The following GSK3B variants were observed in gnomAD, a reference collection of about 807,000 sequenced individuals.
GSK3B encodes glycogen synthase kinase 3 beta, also known as glycogen synthase kinase-3 beta.
In GSK3B, 15 loss-of-function variants were observed where a neutral mutation model predicts 56.4. That is an observed-to-expected ratio of 0.27 (90% CI 0.18 to 0.41). The LOEUF is 0.41. Ranked by LOEUF, GSK3B falls within the 10% of genes least tolerant of loss-of-function variation. The pLI is 1.00. For missense variants in GSK3B, 300 were observed against 513.4 expected, an observed-to-expected ratio of 0.58 and a Z score of 4.02; for synonymous variants, 181 against 188.9, an observed-to-expected ratio of 0.96 and a Z score of 0.34.
At chr3:119,863,384 TAG>T (rs1460515277) in intron 9 of GSK3B, 33 bp downstream of exon 9, 1 of 1,547,302 alleles carries the variant, frequency 6.5e-7, no homozygotes, top group Non-Finnish European at 8.9e-7. Flanking sequence ...GTAGCTTTCC[TAG>T]AACTGGTGAA....
At chr3:119,985,638 GACCTCTTCA>G (rs2057508712) in intron 2 of GSK3B, among the ~76,000 whole-genome samples, 1 of 152,112 alleles carries the variant, frequency 6.6e-6, no homozygotes, top group Admixed American at 6.5e-5. Flanking sequence ...GAATGTGAAG[GACCTCTTCA>G]AGAATAACTA....
At chr3:119,935,383 C>G (rs916064886) in intron 3 of GSK3B, among the ~76,000 whole-genome samples, 1 of 151,962 alleles carries the variant, frequency 6.6e-6, no homozygotes, top group Non-Finnish European at 1.5e-5. Flanking sequence ...ATCAAGGTAC[C>G]ATTTCTGTAA....
At chr3:120,056,276 T>C (rs2058190425) in intron 1 of GSK3B, among the ~76,000 whole-genome samples, 1 of 152,370 alleles carries the variant, frequency 6.6e-6, no homozygotes, top group South Asian at 2.1e-4. Flanking sequence ...GATCTACAGA[T>C]GTCTTTGAGG....
chr3:120,077,257 T>C (rs1172959932), intron 1 of GSK3B, among the ~76,000 whole-genome samples: 3 of 152,200 alleles, frequency 2.0e-5, no homozygotes, highest in Non-Finnish European at 4.4e-5. Flanking sequence ...AGCCAACATA[T>C]GGAAACAACC....
intron 1 of GSK3B, among the ~76,000 whole-genome samples, chr3:120,084,074 T>C (rs999020706): frequency 2.6e-5 from 4 of 152,192 alleles, no homozygotes; most frequent in East Asian, 1.9e-4. Context: ...CACAAGTCTA[T>C]GAACACCTGA....
At chr3:119,905,652 C>T in intron 7 of GSK3B, 103 bp downstream of exon 7, 1 of 714,422 alleles carries the variant, frequency 1.4e-6, no homozygotes, top group Non-Finnish European at 2.5e-6. Flanking sequence ...TGGATTGCTT[C>T]CTCCATTTTT....
chr3:119,989,848 A>T (rs2057548098), intron 2 of GSK3B, among the ~76,000 whole-genome samples: 1 of 152,038 alleles, frequency 6.6e-6, no homozygotes, highest in Non-Finnish European at 1.5e-5. Flanking sequence ...TTTCACAGAC[A>T]ACTACCCAAA....
intron 1 of GSK3B, among the ~76,000 whole-genome samples, chr3:120,069,792 C>T (rs1039820060): frequency 3.9e-5 from 6 of 152,206 alleles, no homozygotes; most frequent in African/African-American, 7.2e-5. Flanking sequence ...TTCCTGATTA[C>T]GAATACTCAC....
intron 3 of GSK3B, among the ~76,000 whole-genome samples, chr3:119,943,979 G>GA (rs1297529344): frequency 2.6e-5 from 4 of 151,632 alleles, no homozygotes; most frequent in Non-Finnish European, 5.9e-5. Context: ...AGACAAAGGC[G>GA]AAAAAAGGGC....
intron 1 of GSK3B, among the ~76,000 whole-genome samples, chr3:120,036,475 T>C (rs1238766668): frequency 6.6e-6 from 1 of 152,128 alleles, no homozygotes; most frequent in Non-Finnish European, 1.5e-5. Flanking sequence ...AATTACTAAA[T>C]GACTCAGAGA....
chr3:120,014,293 A>C (rs1199590951), intron 1 of GSK3B, among the ~76,000 whole-genome samples: 1 of 152,094 alleles, frequency 6.6e-6, no homozygotes, highest in Non-Finnish European at 1.5e-5. Flanking sequence ...AAATAAATTT[A>C]ATTTTAAAAA....
At chr3:120,023,431 T>G (rs2057896788) in intron 1 of GSK3B, among the ~76,000 whole-genome samples, 1 of 151,478 alleles carries the variant, frequency 6.6e-6, no homozygotes, top group South Asian at 2.1e-4. Context: ...TTCTCACCAA[T>G]TTCCATTATA....
chr3:119,971,981 A>T (rs545813528), intron 2 of GSK3B, among the ~76,000 whole-genome samples: 17 of 152,268 alleles, frequency 1.1e-4, no homozygotes, highest in African/African-American at 4.1e-4. Context: ...TTTCTTAACT[A>T]AGTTCCCTAA....
intron 9 of GSK3B, among the ~76,000 whole-genome samples, chr3:119,850,832 T>G (rs1287405197): frequency 6.6e-6 from 1 of 152,106 alleles, no homozygotes; most frequent in Non-Finnish European, 1.5e-5. Flanking sequence ...ATTTATTTAC[T>G]AGATATGTGT....
intron 1 of GSK3B, among the ~76,000 whole-genome samples, chr3:120,082,266 A>G (rs2058425819): frequency 6.6e-6 from 1 of 152,142 alleles, no homozygotes; most frequent in Non-Finnish European, 1.5e-5. Context: ...TTACTTAAAA[A>G]TAACAAAAAT....
Position 119,821,414 on chromosome 3 carries a change from AATG to A in GSK3B, c.*5371_*5373del, listed in dbSNP as rs1400314529. On this transcript the variant is annotated 3_prime_UTR_variant, in exon 11 of 11. Coordinates refer to ENST00000264235, the MANE Select transcript of GSK3B (RefSeq NM_001146156.2). Reference sequence around the variant, plus strand: ...TGACAGAGTGAGCCAGCCCTAAAAAAATGATGTTTCTTTTTGCACTAAGAGACA... The same window carrying A: ...TGACAGAGTGAGCCAGCCCTAAAAAAATGTTTCTTTTTGCACTAAGAGACA... The A allele has an allele frequency of 2.0e-5, 3 of 152,222 alleles. No homozygotes were observed. Among genetic ancestry groups the A allele is most frequent in the Admixed American group, 6.5e-5 (1 of 15,282 alleles). The allele number at this position is 152,222 out of a possible 1,614,324, so 9.4% of individuals were successfully genotyped here.
At chr3:119,905,957 A>G (rs182028086) in intron 6 of GSK3B, 105 bp from the exon 7 acceptor site, 6 of 724,012 alleles carry the variant, frequency 8.3e-6, no homozygotes, top group African/African-American at 3.5e-5. Context: ...TAAATATCAC[A>G]GGAAAAGATT....
intron 2 of GSK3B, among the ~76,000 whole-genome samples, chr3:119,979,634 A>ATT (rs768839591): frequency 6.6e-6 from 1 of 152,222 alleles, no homozygotes; most frequent in Admixed American, 6.5e-5. Context: ...AAAGGTCTTT[A>ATT]TAGTTTTCTC....
chr3:119,869,236 A>AAAAAAAAAAAAAAAAAAAAAAAAAAC (rs2056222844), intron 8 of GSK3B, among the ~76,000 whole-genome samples: 1 of 148,744 alleles, frequency 6.7e-6, no homozygotes, highest in African/African-American at 2.6e-5. Context: ...AAAAAAAAAA[A>AAAAAAAAAAAAAAAAAAAAAAAAAAC]AAAAAAAAAA....
Sources: allele counts gnomAD v4.1 joint callset (sites outside exome capture counted in the v4.1 genomes callset), GRCh38; gene constraint gnomAD v4.1.1; transcripts MANE v1.5; gene names NCBI Gene and HGNC (gene_info 2026-07-23, HGNC 2026-07-21).